KRT38: variants seen among roughly 807,000 people sequenced by gnomAD.
KRT38 encodes the protein keratin 38, also known as keratin, type I cuticular Ha8.
In KRT38, 45 loss-of-function variants were observed where a neutral mutation model predicts 43.1. That is an observed-to-expected ratio of 1.04 (90% CI 0.82 to 1.34). The LOEUF (loss-of-function observed/expected upper bound fraction) is 1.34, where lower values mean the gene tolerates loss of function less well. KRT38 is among the 40% of genes most tolerant of loss of function. KRT38 has a pLI of 0.00. For synonymous variants in KRT38, 258 were observed against 244.0 expected (o/e 1.06, Z -0.53); for missense variants, 627 against 586.2 (o/e 1.07, Z -0.72).
chr17:41,437,458 G>C lies in KRT38; in HGVS notation c.1325C>G (p.Thr442Ser). 2 of 1,561,608 alleles carry C rather than the reference G, an allele frequency of 1.3e-6. No homozygotes were observed. Among genetic ancestry groups the C allele is most frequent in the Non-Finnish European group, 1.7e-6 (2 of 1,160,608 alleles). Residue 442 changes from threonine to serine, a missense_variant, in exon 7 of 7, where the codon ACC (threonine) becomes AGC (serine). Transcript: ENST00000246646. ...GCTGGCTCCACAGGTGGGCCCACAG[G>C]TGGTGCAGGGGCCACAGCTTGGGCG... ...APRPSCGPCT[T>S]CGPTCGASTT...
Position 41,436,154 on chromosome 17 carries a change from T to A in KRT38, c.*1258A>T, listed in dbSNP as rs2018722630. Among the ~76,000 whole-genome samples the A allele has an allele frequency of 6.6e-6, 1 of 152,134 alleles. No homozygotes were observed. Among genetic ancestry groups the A allele is most frequent in the African/African-American group, 2.4e-5 (1 of 41,410 alleles). On this transcript the variant is annotated 3_prime_UTR_variant, in exon 7 of 7. Coordinates refer to ENST00000246646, the MANE Select transcript of KRT38 (RefSeq NM_006771.4). Reference sequence around the variant, plus strand: ...AGAGATAAAGTCAGGACTAGACGTGTTCGTTCTTTCAACAGATATTTATTA... The same window carrying A: ...AGAGATAAAGTCAGGACTAGACGTGATCGTTCTTTCAACAGATATTTATTA...
rs1177086649 is a variant in KRT38 at position 41,440,936 on chromosome 17, G to C, written c.-15C>G. 1.3e-6 allele frequency: 2 copies of C among 1,518,148 alleles called. No homozygotes were observed. The highest frequency in any genetic ancestry group is 1.4e-5 in the African/African-American group (1 of 71,654). 94.0% of individuals were successfully genotyped at this position (1,518,148 alleles called of 1,614,324 possible). On this transcript the variant is annotated 5_prime_UTR_variant, in exon 1 of 7. Transcript: ENST00000246646. ...GAAGAGGTCATGGTGTTGGGCTGAG[G>C]CTGCACAGGAGCTTCAGATCAGCTG...
In KRT38 at chr17:41,437,154, C is replaced by T. The variant is rs961797079; in HGVS notation, c.*258G>A. Reference sequence around the variant, plus strand: ...TTCCTACTCCAAAATGCTTTTCAACCTTATGCCTCTCCAATCCAGATATTC... The same window carrying T: ...TTCCTACTCCAAAATGCTTTTCAACTTTATGCCTCTCCAATCCAGATATTC... On this transcript the variant is annotated 3_prime_UTR_variant, in exon 7 of 7. Transcript: ENST00000246646. 5.6e-5 allele frequency: 21 copies of T among 374,064 alleles called. No individual in the cohort carries two copies. The highest frequency in any genetic ancestry group is 9.5e-5 in the Non-Finnish European group (20 of 211,630). The allele number at this position is 374,064 out of a possible 1,614,324, so 23.2% of individuals were successfully genotyped here.
chr17:41,438,900 G>A (rs770413080), intron 3 of KRT38, 42 bp from the exon 4 acceptor site: 9 of 1,606,704 alleles, frequency 5.6e-6, no homozygotes, highest in Non-Finnish European at 7.7e-6. Context: ...CATGAGGAAA[G>A]GGCCTTTGAT....
Position 41,437,496 on chromosome 17 carries a change from G to A in KRT38, c.1287C>T (p.Ala429=), listed in dbSNP as rs1176134067. 1 of 1,562,220 alleles carries A rather than the reference G, an allele frequency of 6.4e-7. No individual in the cohort carries two copies. The highest frequency in any genetic ancestry group is 8.6e-7 in the Non-Finnish European group (1 of 1,161,750). The part of the protein sequence containing the change: ...PCSTSPSCVT[A]PCAPRPSCGP... Reference sequence around the variant, plus strand: ...CACAGCTTGGGCGAGGAGCACAGGGGGCAGTCACGCAGGAGGGAGACGTGG... The same window carrying A: ...CACAGCTTGGGCGAGGAGCACAGGGAGCAGTCACGCAGGAGGGAGACGTGG... The change falls in exon 7 of 7, where the codon GCC becomes GCT. Residue 429 remains alanine, a synonymous_variant. Transcript: ENST00000246646.
chr17:41,438,514 C>T lies in KRT38; in HGVS notation c.997G>A (p.Glu333Lys), dbSNP rs138667284. Reference sequence around the variant, plus strand: ...ACCAAGGTGTGCTGGGCTTGGCGCTCCACCTCCAGGGCATTCACCGTGCAT... The same window carrying T: ...ACCAAGGTGTGCTGGGCTTGGCGCTTCACCTCCAGGGCATTCACCGTGCAT... ...LRCTVNALEV[E>K]RQAQHTLKDC... The change falls in exon 5 of 7, where the codon GAG becomes AAG. Residue 333 changes from glutamate (E) to lysine (K), a missense_variant. By Grantham distance (56) the Glu-to-Lys change is moderately conservative. Transcript: ENST00000246646. 7.4e-3 allele frequency: 11,914 copies of T among 1,614,160 alleles called. 53 individuals are homozygous for T. Among genetic ancestry groups the T allele is most frequent in the Non-Finnish European group, 8.8e-3 (10,372 of 1,180,034 alleles).
chr17:41,440,400 C>A, intron 1 of KRT38, 30 bp downstream of exon 1: 1 of 1,606,500 alleles, frequency 6.2e-7, no homozygotes, highest in Admixed American at 1.7e-5. Flanking sequence ...CATCTCAGAC[C>A]CAGCACACCC....
intron 3 of KRT38, 76 bp from the exon 4 acceptor site, chr17:41,438,934 G>A (rs962584352): frequency 5.5e-5 from 84 of 1,534,996 alleles, no homozygotes; most frequent in Non-Finnish European, 6.7e-5. Flanking sequence ...CCAGGACCCC[G>A]CCCCTGGCAA....
Position 41,438,867 on chromosome 17 carries a change from G to C in KRT38, c.733-9C>G. 1 of 1,613,714 alleles carries C rather than the reference G, an allele frequency of 6.2e-7. No individual in the cohort carries two copies. The highest frequency in any genetic ancestry group is 8.5e-7 in the Non-Finnish European group (1 of 1,179,746). ...CTCAGAATCTTTACTTCCTGCAGAAGGGAGGAAGGGACAGACAGCCTGCAT... is the reference window on the plus strand; with the variant it reads ...CTCAGAATCTTTACTTCCTGCAGAACGGAGGAAGGGACAGACAGCCTGCAT... On this transcript the variant is annotated splice_polypyrimidine_tract_variant and intron_variant, in intron 3 of 6. Transcript: ENST00000246646.
rs771256605 is a variant in KRT38 at position 41,438,525 on chromosome 17, G to T, written c.986C>A (p.Ala329Asp). The T allele has an allele frequency of 6.2e-7, 1 of 1,614,100 alleles. No individual in the cohort carries two copies. Among genetic ancestry groups the T allele is most frequent in the Non-Finnish European group, 8.5e-7 (1 of 1,179,996 alleles). Residue 329 changes from alanine (A) to aspartate (D), a missense_variant, in exon 5 of 7, where the codon GCC becomes GAC. Physicochemically the swap from Ala to Asp is moderately radical, Grantham distance 126. Coordinates refer to ENST00000246646, the MANE Select transcript of KRT38 (RefSeq NM_006771.4). ...EILELRCTVN[A>D]LEVERQAQHT... ...CTGGGCTTGGCGCTCCACCTCCAGG[G>T]CATTCACCGTGCATCTCAGCTCCAG...
intron 2 of KRT38, among the ~76,000 whole-genome samples, chr17:41,439,828 C>T (rs1260763681): frequency 6.6e-6 from 1 of 152,166 alleles, no homozygotes; most frequent in Non-Finnish European, 1.5e-5. Flanking sequence ...GACAAAGACT[C>T]ATCTGTAAGT....
In KRT38 at chr17:41,440,459, A is replaced by G. The variant is rs750027915; in HGVS notation, c.463T>C (p.Phe155Leu). ...TGTTGGAGCTCCTCGATGGTGTGGA[A>G]GTAAGACTGGTAGTCGGGGCACACG... Reference protein sequence around the residue: ...STVCPDYQSYFHTIEELQQKI... With the variant: ...STVCPDYQSYLHTIEELQQKI... The change falls in exon 1 of 7, where the codon TTC becomes CTC. Residue 155 changes from phenylalanine (F) to leucine (L), a missense_variant. By Grantham distance (22) the Phe-to-Leu change is conservative (BLOSUM62 0). Transcript: ENST00000246646. 1.2e-6 allele frequency: 2 copies of G among 1,614,152 alleles called. 1 individual carries two copies. Among genetic ancestry groups the G allele is most frequent in the South Asian group, 2.2e-5 (2 of 91,082 alleles).
rs565643036 is a variant in KRT38, at chr17:41,436,228, A to G, written c.*1184T>C. ...TGGGCTAGGCTCTGGGGATGCAGCAATGAACAATTGTTAATCTTGGGTAAG... is the reference window on the plus strand; with the variant it reads ...TGGGCTAGGCTCTGGGGATGCAGCAGTGAACAATTGTTAATCTTGGGTAAG... On this transcript the variant is annotated 3_prime_UTR_variant, in exon 7 of 7. Coordinates refer to ENST00000246646, the MANE Select transcript of KRT38 (RefSeq NM_006771.4). 2.0e-5 allele frequency among the ~76,000 whole-genome samples: 3 copies of G among 152,320 alleles called. No individual in the cohort carries two copies. Among genetic ancestry groups the G allele is most frequent in the South Asian group, 4.1e-4 (2 of 4,832 alleles).
chr17:41,437,313 T>C lies in KRT38; in HGVS notation c.*99A>G. 1 of 1,294,546 alleles carries C rather than the reference T, an allele frequency of 7.7e-7. No individual in the cohort carries two copies. Among genetic ancestry groups the C allele is most frequent in the Non-Finnish European group, 1.0e-6 (1 of 980,316 alleles). 80.2% of individuals were successfully genotyped at this position (1,294,546 alleles called of 1,614,324 possible). A position where few individuals can be genotyped will look rare whatever the true frequency, so the allele number is the denominator to read the frequency against. On this transcript the variant is annotated 3_prime_UTR_variant, in exon 7 of 7. Transcript: ENST00000246646. ...ATCTCATAGCCTTTGGACAGGCCTA[T>C]ACATACAGAAAGTTAGAAGCCAGAT...
At chr17:41,439,683 A>G (rs1329521379) in intron 2 of KRT38, among the ~76,000 whole-genome samples, 1 of 152,224 alleles carries the variant, frequency 6.6e-6, no homozygotes, top group Non-Finnish European at 1.5e-5. Context: ...GCTGTCAGTT[A>G]CCAAAGATAA....
intron 3 of KRT38, 93 bp from the exon 4 acceptor site, chr17:41,438,951 G>A (rs2018764439): frequency 6.8e-7 from 1 of 1,472,154 alleles, no homozygotes; most frequent in Non-Finnish European, 9.3e-7. Flanking sequence ...GCAAGCAGTA[G>A]GAGGGGAGTC....
In KRT38 at chr17:41,440,847, G is replaced by C. The variant is rs754567061; in HGVS notation, c.75C>G (p.Val25=). ...TMAPGARNVS[V]SPIDIGCQPG... ...GCTGGCACCCAATGTCGATGGGAGAGACAGAGACATTTCTTGCTCCAGGAG... is the reference window on the plus strand; with the variant it reads ...GCTGGCACCCAATGTCGATGGGAGACACAGAGACATTTCTTGCTCCAGGAG... Residue 25 remains valine, a synonymous_variant, in exon 1 of 7, where the codon GTC becomes GTG. Transcript: ENST00000246646. 2 of 1,593,184 alleles carry C rather than the reference G, an allele frequency of 1.3e-6. No individual in the cohort carries two copies. The highest frequency in any genetic ancestry group is 1.7e-6 in the Non-Finnish European group (2 of 1,170,092).
intron 4 of KRT38, 31 bp downstream of exon 4, chr17:41,438,666 T>A: frequency 6.3e-7 from 1 of 1,577,156 alleles, no homozygotes; most frequent in Non-Finnish European, 8.6e-7. Flanking sequence ...GGAGGCCAGG[T>A]ACCCCCTGGT....
At position 41,438,682 on chromosome 17, in the gene KRT38, ACC is replaced by A. The variant is rs71155140; in HGVS notation, c.894+13_894+14del. 2.5e-6 allele frequency: 4 copies of A among 1,607,982 alleles called. No individual in the cohort carries two copies. The South Asian group carries it at 3.3e-5, about 13-fold the overall frequency. On this transcript the variant is annotated intron_variant, in intron 4 of 6. Coordinates refer to ENST00000246646, the MANE Select transcript of KRT38 (RefSeq NM_006771.4). ...GAGGCCAGGTACCCCCTGGTTCTAT[ACC>A]CCCCCCACTCACCTGGGCTTGGAAC... is the stretch of plus-strand genomic sequence containing the variant.
Sources: allele counts gnomAD v4.1 joint callset (sites outside exome capture counted in the v4.1 genomes callset), GRCh38; gene constraint gnomAD v4.1.1; transcripts MANE v1.5; gene names NCBI Gene and HGNC (gene_info 2026-07-23, HGNC 2026-07-21).